Variants in MALRD1 observed in about 807,000 individuals in gnomAD.
MALRD1 encodes the protein MAM and LDL receptor class A domain containing 1.
In MALRD1, 247 loss-of-function variants were observed where a neutral mutation model predicts 242.1. The ratio of observed to expected loss-of-function variants is 1.02; its 90% CI spans 0.92 to 1.13. The LOEUF is 1.13. Ranked by LOEUF, MALRD1 falls within the 50% of genes most tolerant of loss-of-function variation. The pLI is 0.00. For synonymous variants in MALRD1, 995 were observed against 866.6 expected, an observed-to-expected ratio of 1.15 and a Z score of -2.60; for missense variants, 2,989 against 2,533.1, an observed-to-expected ratio of 1.18 and a Z score of -3.86.
chr10:19,145,713 C>T (rs773603619), intron 10 of MALRD1, among the ~76,000 whole-genome samples: 1 of 150,468 alleles, frequency 6.6e-6, no homozygotes, highest in Non-Finnish European at 1.5e-5. Flanking sequence ...TCTAATTTAC[C>T]TGCAATTCCA....
At chr10:19,407,337 C>A (rs1450996510) in intron 28 of MALRD1, among the ~76,000 whole-genome samples, 1 of 151,996 alleles carries the variant, frequency 6.6e-6, no homozygotes, top group Non-Finnish European at 1.5e-5. Context: ...AAATCAATAG[C>A]CAGATGTGGT....
intron 33 of MALRD1, among the ~76,000 whole-genome samples, chr10:19,568,109 C>T (rs1050671764): frequency 2.0e-4 from 31 of 152,118 alleles, no homozygotes; most frequent in African/African-American, 5.3e-4. Context: ...TTCTCCTAAC[C>T]GTTTCTATTG....
At chr10:19,253,009 A>G (rs1011666450) in intron 18 of MALRD1, among the ~76,000 whole-genome samples, 1 of 152,026 alleles carries the variant, frequency 6.6e-6, no homozygotes, top group African/African-American at 2.4e-5. Context: ...ATTGTAGGTT[A>G]TGTGGTTAAA....
At chr10:19,373,352 C>A (rs1165263072) in intron 26 of MALRD1, among the ~76,000 whole-genome samples, 5 of 151,596 alleles carry the variant, frequency 3.3e-5, no homozygotes, top group Non-Finnish European at 1.5e-5. Flanking sequence ...AATACAGAAA[C>A]AACAACAAAA....
intron 18 of MALRD1, among the ~76,000 whole-genome samples, chr10:19,237,379 A>C (rs1011280073): frequency 6.7e-6 from 1 of 149,798 alleles, no homozygotes; most frequent in African/African-American, 2.5e-5. Flanking sequence ...TATGAGAGAG[A>C]TCATGCGGTA....
intron 10 of MALRD1, among the ~76,000 whole-genome samples, chr10:19,138,498 A>G (rs1588601456): frequency 6.8e-6 from 1 of 147,862 alleles, no homozygotes; most frequent in East Asian, 2.0e-4. Flanking sequence ...TCGGCTCACT[A>G]CAACCTCCAC....
intron 30 of MALRD1, among the ~76,000 whole-genome samples, chr10:19,497,154 A>C (rs749823616): frequency 2.0e-5 from 3 of 152,112 alleles, no homozygotes; most frequent in Non-Finnish European, 4.4e-5. Flanking sequence ...ACTAGTAAAG[A>C]ATGTGCAGGT....
At chr10:19,172,886 A>G (rs1835072563) in intron 13 of MALRD1, among the ~76,000 whole-genome samples, 1 of 152,060 alleles carries the variant, frequency 6.6e-6, no homozygotes, top group Non-Finnish European at 1.5e-5. Flanking sequence ...CTAAAGTACA[A>G]TACTTGTGTA....
chr10:19,148,773 TA>T (rs1174673634), intron 11 of MALRD1, among the ~76,000 whole-genome samples: 10,044 of 114,318 alleles, frequency 0.088, 591 homozygotes, highest in East Asian at 0.19. Flanking sequence ...AAGGGCCAAT[TA>T]AAAAAAAAAA....
intron 36 of MALRD1, among the ~76,000 whole-genome samples, chr10:19,644,575 C>T (rs1840562982): frequency 1.9e-5 from 1 of 52,102 alleles, no homozygotes; most frequent in Non-Finnish European, 4.2e-5. Flanking sequence ...GGATTTAAAT[C>T]AGGACCATCT....
intron 24 of MALRD1, among the ~76,000 whole-genome samples, chr10:19,335,683 A>G (rs1261848174): frequency 2.0e-5 from 3 of 152,178 alleles, no homozygotes; most frequent in Non-Finnish European, 2.9e-5. Context: ...GCTTGAACAC[A>G]TATCACAACT....
intron 18 of MALRD1, among the ~76,000 whole-genome samples, chr10:19,227,001 G>T (rs980375321): frequency 6.6e-6 from 1 of 151,944 alleles, no homozygotes; most frequent in African/African-American, 2.4e-5. Flanking sequence ...ACTAATACGA[G>T]AAATTGAATA....
chr10:19,612,555 GACTGCCTTTATTAGCCCATTCTCAC>G (rs985862999), intron 35 of MALRD1, among the ~76,000 whole-genome samples: 5 of 151,686 alleles, frequency 3.3e-5, no homozygotes, highest in African/African-American at 1.2e-4. Context: ...AGTGTGCAAT[GACTGCCTTTATTAGCCCATTCTCAC>G]ACTGCTATAA....
intron 21 of MALRD1, among the ~76,000 whole-genome samples, chr10:19,299,587 G>A (rs1030901253): frequency 6.8e-6 from 1 of 147,756 alleles, no homozygotes; most frequent in Non-Finnish European, 1.5e-5. Context: ...TAAATGTGAT[G>A]TGATTCAGCA....
intron 33 of MALRD1, among the ~76,000 whole-genome samples, chr10:19,590,120 A>T (rs535450765): frequency 8.5e-5 from 13 of 152,242 alleles, no homozygotes; most frequent in Admixed American, 5.2e-4. Context: ...TCAAAATGTT[A>T]TGCATTTACT....
chr10:19,530,084 C>A (rs1834286323), intron 31 of MALRD1, among the ~76,000 whole-genome samples: 1 of 151,236 alleles, frequency 6.6e-6, no homozygotes, highest in South Asian at 2.1e-4. Flanking sequence ...CTCAGAATAG[C>A]CAAAACAATA....
chr10:19,155,803 A>C (rs1273627899), intron 12 of MALRD1, among the ~76,000 whole-genome samples: 3 of 152,224 alleles, frequency 2.0e-5, no homozygotes, highest in Admixed American at 6.5e-5. Context: ...ATTATATGGA[A>C]TAATGTCAAG....
chr10:19,099,080 G>T (rs1412575937), intron 4 of MALRD1, among the ~76,000 whole-genome samples: 3 of 152,084 alleles, frequency 2.0e-5, no homozygotes, highest in Non-Finnish European at 4.4e-5. Flanking sequence ...TCTTTACTGT[G>T]CATGTGGTAA....
chr10:19,248,618 G>A (rs1564501380), intron 18 of MALRD1, among the ~76,000 whole-genome samples: 2 of 151,868 alleles, frequency 1.3e-5, no homozygotes, highest in South Asian at 4.1e-4. Context: ...AAAAGAGAAG[G>A]TGAAAGTAAA....
Sources: gnomAD v4.1 joint callset for allele counts (sites outside exome capture counted in the v4.1 genomes callset) on GRCh38, gnomAD v4.1.1 for gene constraint, MANE v1.5 for transcripts, NCBI Gene and HGNC (gene_info 2026-07-23, HGNC 2026-07-21) for gene names.